The following PSD2 variants were observed in gnomAD, a reference collection of about 807,000 sequenced individuals.
PSD2 encodes PH and SEC7 domain-containing protein 2.
In PSD2, 38 loss-of-function variants were observed where a neutral mutation model predicts 69.8. The ratio of observed to expected loss-of-function variants is 0.54; its 90% confidence interval spans 0.42 to 0.71. The LOEUF is 0.71. Ranked by LOEUF, PSD2 falls within the 30% of genes least tolerant of loss-of-function variation. PSD2 has a pLI of 0.00. For synonymous variants in PSD2, 412 were observed against 423.0 expected (o/e 0.97, Z 0.32); for missense variants, 943 against 1,014.5 (o/e 0.93, Z 0.96).
At chr5:139,745,855 G>A in the PSD2 span, among the ~76,000 whole-genome samples, 1 of 152,166 alleles carries the variant, frequency 6.6e-6, no homozygotes, top group Non-Finnish European at 1.5e-5. Context: ...CCAACATGAT[G>A]GTACCACCCA....
intron 2 of PSD2, among the ~76,000 whole-genome samples, chr5:139,811,797 G>A (rs145535491): frequency 0.012 from 1,818 of 152,226 alleles, 36 homozygotes; most frequent in African/African-American, 0.042. Context: ...GTTTCATCGT[G>A]TTAGCCAGGA....
At chr5:139,811,118 G>A (rs1050472200) in intron 2 of PSD2, among the ~76,000 whole-genome samples, 5 of 152,186 alleles carry the variant, frequency 3.3e-5, no homozygotes, top group African/African-American at 7.2e-5. Context: ...CCAGGGCAAC[G>A]AACCTTCTTT....
chr5:139,752,051 CAAAAG>C, the PSD2 span, among the ~76,000 whole-genome samples: 1 of 152,022 alleles, frequency 6.6e-6, no homozygotes, highest in Non-Finnish European at 1.5e-5. Context: ...CCTTAGCCTC[CAAAAG>C]TGCTGGGATT....
intron 12 of PSD2, among the ~76,000 whole-genome samples, chr5:139,838,117 T>C (rs1269139371): frequency 6.6e-6 from 1 of 152,196 alleles, no homozygotes; most frequent in Non-Finnish European, 1.5e-5. Flanking sequence ...TCACTTTAAG[T>C]GTGGGAAAGA....
the PSD2 span, among the ~76,000 whole-genome samples, chr5:139,753,491 G>T: frequency 4.6e-5 from 7 of 152,300 alleles, no homozygotes; most frequent in African/African-American, 1.7e-4. Flanking sequence ...ACCTAAGAAG[G>T]AATGACAGTG....
the PSD2 span, among the ~76,000 whole-genome samples, chr5:139,785,018 C>T: frequency 1.3e-5 from 2 of 152,228 alleles, no homozygotes; most frequent in East Asian, 3.9e-4. Context: ...TTCAGTCTCC[C>T]AAAGTGCTGG....
chr5:139,832,768 C>T (rs1163029778), intron 7 of PSD2, among the ~76,000 whole-genome samples: 6 of 152,144 alleles, frequency 3.9e-5, no homozygotes, highest in Admixed American at 3.9e-4. Context: ...AGTCTTCATC[C>T]TCACAAAGAT....
At chr5:139,815,009 C>T (rs564782850) in intron 4 of PSD2, among the ~76,000 whole-genome samples, 5 of 152,302 alleles carry the variant, frequency 3.3e-5, no homozygotes, top group East Asian at 1.9e-4. Context: ...TGCCTCCCAA[C>T]GTCCGCATTA....
the PSD2 span, among the ~76,000 whole-genome samples, chr5:139,778,645 T>C: frequency 6.6e-6 from 1 of 151,988 alleles, no homozygotes; most frequent in African/African-American, 2.4e-5. Context: ...TCCCTAGCAA[T>C]GAGGGTCAGG....
At chr5:139,833,602 C>A (rs968019979) in intron 7 of PSD2, 100 bp from the exon 8 acceptor site, 5 of 808,352 alleles carry the variant, frequency 6.2e-6, no homozygotes, top group African/African-American at 5.0e-5. Flanking sequence ...CATTATTGCC[C>A]TTAATGCTGC....
chr5:139,751,825 G>C, the PSD2 span, among the ~76,000 whole-genome samples: 1 of 137,848 alleles, frequency 7.3e-6, no homozygotes, highest in Non-Finnish European at 1.5e-5. Context: ...ACAGGGTCTC[G>C]TTCTGTCACC....
the PSD2 span, among the ~76,000 whole-genome samples, chr5:139,787,620 A>T: frequency 6.6e-6 from 1 of 152,140 alleles, no homozygotes; most frequent in Non-Finnish European, 1.5e-5. Flanking sequence ...CAGTTTCCAA[A>T]AACACCAGCA....
intron 4 of PSD2, among the ~76,000 whole-genome samples, chr5:139,816,723 C>T (rs1177169252): frequency 6.6e-6 from 1 of 152,238 alleles, no homozygotes; most frequent in Non-Finnish European, 1.5e-5. Flanking sequence ...GCTTCTCAGC[C>T]TCCTTCGCTG....
chr5:139,812,235 G>C (rs528299160), intron 2 of PSD2, among the ~76,000 whole-genome samples: 1 of 152,206 alleles, frequency 6.6e-6, no homozygotes, highest in Non-Finnish European at 1.5e-5. Context: ...GGAAGAAAAA[G>C]TAGGAAAAAA....
At chr5:139,748,007 G>C in the PSD2 span, among the ~76,000 whole-genome samples, 1 of 152,262 alleles carries the variant, frequency 6.6e-6, no homozygotes, top group African/African-American at 2.4e-5. Flanking sequence ...GGGCCTTTGC[G>C]GAGGCGGTAA....
the PSD2 span, among the ~76,000 whole-genome samples, chr5:139,766,827 C>CTTT: frequency 9.9e-4 from 51 of 51,616 alleles, no homozygotes; most frequent in Middle Eastern, 6.8e-3. Flanking sequence ...CAAGTCCCTT[C>CTTT]CTTCTTTCTT....
chr5:139,780,735 T>C, the PSD2 span, among the ~76,000 whole-genome samples: 5 of 152,180 alleles, frequency 3.3e-5, no homozygotes, highest in African/African-American at 1.2e-4. Flanking sequence ...TGAGCCACCA[T>C]GCCTGCTGTC....
the PSD2 span, among the ~76,000 whole-genome samples, chr5:139,789,278 G>C: frequency 6.6e-6 from 1 of 152,192 alleles, no homozygotes; most frequent in Non-Finnish European, 1.5e-5. Flanking sequence ...GGAGTGTCCA[G>C]TCCAGACAGT....
In PSD2 at chr5:139,817,514, C is replaced by T. The variant is rs1055171442; in HGVS notation, c.1050C>T (p.Tyr350=). 3 of 1,614,130 alleles carry T rather than the reference C, an allele frequency of 1.9e-6. No individual in the cohort carries two copies. The highest frequency in any genetic ancestry group is 2.5e-6 in the Non-Finnish European group (3 of 1,180,012). The change falls in exon 5 of 15, where the codon TAC becomes TAT. Residue 350 remains tyrosine, a synonymous_variant. Transcript: ENST00000274710. ...NEFSRLVAGE[Y]LSFFDFSGLT... is the part of the protein sequence containing the mutation. Reference sequence around the variant, plus strand: ...TTAGCAGGCTGGTGGCCGGGGAGTACCTCAGTTTCTTCGACTTCTCGGGCT... The same window carrying T: ...TTAGCAGGCTGGTGGCCGGGGAGTATCTCAGTTTCTTCGACTTCTCGGGCT...
Sources: allele counts gnomAD v4.1 joint callset (sites outside exome capture counted in the v4.1 genomes callset), GRCh38; gene constraint gnomAD v4.1.1; transcripts MANE v1.5; gene names NCBI Gene and HGNC (gene_info 2026-07-23, HGNC 2026-07-21).